The following GTF2A1 variants were observed in gnomAD, a reference collection of about 807,000 sequenced individuals.
The protein encoded by GTF2A1 is general transcription factor IIA subunit 1, also known as transcription initiation factor IIA subunit 1.
A neutral mutation model predicts 54.1 loss-of-function variants in GTF2A1; 12 were observed. The ratio of observed to expected loss-of-function variants is 0.22; its 90% CI spans 0.14 to 0.36. The LOEUF is 0.36. Ranked by LOEUF, GTF2A1 falls within the 10% of genes least tolerant of loss-of-function variation. The pLI, the probability that GTF2A1 is intolerant of heterozygous loss-of-function variation, is 1.00. For missense variants in GTF2A1, 335 were observed against 442.2 expected (o/e 0.76, Z 2.17); for synonymous variants, 145 against 152.0 (o/e 0.95, Z 0.34).
intron 1 of GTF2A1, among the ~76,000 whole-genome samples, chr14:81,218,170 C>G (rs1893528206): frequency 6.6e-6 from 1 of 151,750 alleles, no homozygotes; most frequent in Non-Finnish European, 1.5e-5. Flanking sequence ...GTATAAATCT[C>G]AAATTGACAA....
chr14:81,201,741 A>T, intron 3 of GTF2A1, 83 bp from the exon 4 acceptor site: 1 of 915,752 alleles, frequency 1.1e-6, no homozygotes, highest in Non-Finnish European at 1.8e-6. Flanking sequence ...ACAATGATGA[A>T]AACTTTTTTC....
In GTF2A1 at chr14:81,179,114, C is replaced by G. The variant is rs148584644; in HGVS notation, c.*1109G>C. 20 of 152,290 alleles carry G rather than the reference C, an allele frequency of 1.3e-4. No individual in the cohort carries two copies. In the East Asian group the frequency reaches 3.7e-3, roughly 28 times the overall value. 9.4% of individuals were successfully genotyped at this position (152,290 alleles called of 1,614,324 possible). ...TTAGTGGCCCACCCACCTCTTCCCC[C>G]CAAATTTTCCCCTCAAATTACAAAG... is the stretch of plus-strand genomic sequence containing the variant. On this transcript the variant is annotated 3_prime_UTR_variant, in exon 9 of 9. Transcript: ENST00000553612.
rs1893628544 is a variant in GTF2A1 at position 81,220,913 on chromosome 14, A to C, written c.-395T>G. ...CTTCTCTCCTTTATATAGCGAGCCA[A>C]CAAGCTGCGCGAGCCACCACCGCCG... is the stretch of plus-strand genomic sequence containing the variant. On this transcript the variant is annotated 5_prime_UTR_variant, in exon 1 of 9. Transcript: ENST00000553612. 1 of 180,224 alleles carries C rather than the reference A, an allele frequency of 5.5e-6. No individual in the cohort carries two copies. The highest frequency in any genetic ancestry group is 1.1e-5 in the Non-Finnish European group (1 of 87,322). 11.2% of individuals were successfully genotyped at this position (180,224 alleles called of 1,614,324 possible).
intron 7 of GTF2A1, among the ~76,000 whole-genome samples, chr14:81,189,841 G>T (rs535668513): frequency 6.6e-6 from 1 of 152,208 alleles, no homozygotes; most frequent in African/African-American, 2.4e-5. Context: ...CAAGTCTCAA[G>T]CAATTTCAAA....
Position 81,176,112 on chromosome 14 carries a change from CAT to C in GTF2A1, c.*4109_*4110del, listed in dbSNP as rs1892522122. 2 of 152,000 alleles carry C rather than the reference CAT, an allele frequency of 1.3e-5. No homozygotes were observed. The highest frequency in any genetic ancestry group is 2.9e-5 in the Non-Finnish European group (2 of 67,960). The allele number at this position is 152,000 out of a possible 1,614,324, so 9.4% of individuals were successfully genotyped here. ...TTTATTCAATTATCTATAACAATGCCATATACTAGTAAGCAAAGCAAGCAACA... is the reference window on the plus strand; with the variant it reads ...TTTATTCAATTATCTATAACAATGCCATACTAGTAAGCAAAGCAAGCAACA... On this transcript the variant is annotated 3_prime_UTR_variant, in exon 9 of 9. Transcript: ENST00000553612.
rs1892581404 is a variant in GTF2A1 at position 81,178,776 on chromosome 14, A to T, written c.*1447T>A. 1 of 152,234 alleles carries T rather than the reference A, an allele frequency of 6.6e-6. No individual in the cohort carries two copies. Among genetic ancestry groups the T allele is most frequent in the South Asian group, 2.1e-4 (1 of 4,838 alleles). 9.4% of individuals were successfully genotyped at this position (152,234 alleles called of 1,614,324 possible). A position where few individuals can be genotyped will look rare whatever the true frequency, so the allele number is the denominator to read the frequency against. ...GATTAAAAAAATATATCAATATACA[A>T]GTAACCTAAACACATGTAAATTTTG... On this transcript the variant is annotated 3_prime_UTR_variant, in exon 9 of 9. Transcript: ENST00000553612.
intron 4 of GTF2A1, among the ~76,000 whole-genome samples, chr14:81,197,946 T>C (rs1295940268): frequency 6.6e-6 from 1 of 152,210 alleles, no homozygotes; most frequent in African/African-American, 2.4e-5. Flanking sequence ...TATAATTATC[T>C]ACTTTTTAGA....
At chr14:81,214,477 C>G (rs1195687543) in intron 2 of GTF2A1, among the ~76,000 whole-genome samples, 1 of 151,962 alleles carries the variant, frequency 6.6e-6, no homozygotes, top group Non-Finnish European at 1.5e-5. Context: ...AACCCCATCT[C>G]TACTAAAAAT....
At chr14:81,180,569 G>T (rs1202075268) in intron 8 of GTF2A1, among the ~76,000 whole-genome samples, 1 of 152,016 alleles carries the variant, frequency 6.6e-6, no homozygotes, top group Admixed American at 6.6e-5. Flanking sequence ...AAAGTGTTGG[G>T]ATTACAAGCG....
chr14:81,202,165 G>A (rs1164504286), intron 3 of GTF2A1, among the ~76,000 whole-genome samples: 1 of 152,200 alleles, frequency 6.6e-6, no homozygotes, highest in South Asian at 2.1e-4. Flanking sequence ...GGATGCAAGG[G>A]AATTTAGGAA....
rs751806247 is a variant in GTF2A1, at chr14:81,220,506, C to T, written c.13G>A (p.Ala5Thr). 6.3e-7 allele frequency: 1 copy of T among 1,578,854 alleles called. No individual in the cohort carries two copies. Residue 5 changes from alanine (A) to threonine (T), a missense_variant, in exon 1 of 9, where the codon GCA becomes ACA. By Grantham distance (58) the Ala-to-Thr change is moderately conservative. Coordinates refer to ENST00000553612, the MANE Select transcript of GTF2A1 (RefSeq NM_015859.4). ...GTCCTTACCACGGTGTTTGTATTTG[C>T]CGAGTTCGCCATTTCCACACACAAC... Reference protein sequence around the residue: MANSANTNTVPKLYR... With the variant: MANSTNTNTVPKLYR...
In GTF2A1 at chr14:81,176,374, A is replaced by C. The variant is rs1892529000; in HGVS notation, c.*3849T>G. 1 of 152,206 alleles carries C rather than the reference A, an allele frequency of 6.6e-6. No individual in the cohort carries two copies. The highest frequency in any genetic ancestry group is 1.5e-5 in the Non-Finnish European group (1 of 67,998). The allele number at this position is 152,206 out of a possible 1,614,324, so 9.4% of individuals were successfully genotyped here. A position where few individuals can be genotyped will look rare whatever the true frequency, so the allele number is the denominator to read the frequency against. On this transcript the variant is annotated 3_prime_UTR_variant, in exon 9 of 9. Coordinates refer to ENST00000553612, the MANE Select transcript of GTF2A1 (RefSeq NM_015859.4). Reference sequence around the variant, plus strand: ...AGTATGTACAACAGCAGTTGACAATAGTAGCTCAGAACAGCAAAAAGGATT... The same window carrying C: ...AGTATGTACAACAGCAGTTGACAATCGTAGCTCAGAACAGCAAAAAGGATT...
chr14:81,185,265 C>G (rs562233450), intron 8 of GTF2A1, among the ~76,000 whole-genome samples: 6 of 152,294 alleles, frequency 3.9e-5, no homozygotes, highest in African/African-American at 1.4e-4. Context: ...ACTCTGCTTA[C>G]AAGTTCAAAG....
At chr14:81,188,725 C>T (rs1400653047) in intron 7 of GTF2A1, among the ~76,000 whole-genome samples, 1 of 151,646 alleles carries the variant, frequency 6.6e-6, no homozygotes, top group Admixed American at 6.6e-5. Context: ...TGCAGTGAGC[C>T]GACATCGCGC....
chr14:81,188,177 CTTT>C (rs761786094), intron 7 of GTF2A1, among the ~76,000 whole-genome samples: 1 of 152,124 alleles, frequency 6.6e-6, no homozygotes, highest in Non-Finnish European at 1.5e-5. Context: ...ATTGCATTAT[CTTT>C]TTGTTGTTAC....
At position 81,220,564 on chromosome 14, in the gene GTF2A1, G is replaced by A. The variant is rs191415810; in HGVS notation, c.-46C>T. 1,213 of 1,401,022 alleles carry A rather than the reference G, an allele frequency of 8.7e-4. No homozygotes were observed. The highest frequency in any genetic ancestry group is 1.1e-3 in the Non-Finnish European group (1,131 of 1,040,712). 86.8% of individuals were successfully genotyped at this position (1,401,022 alleles called of 1,614,324 possible). The stretch of plus-strand genomic sequence containing the variant: ...AGAGGGGGCAACCCCAAGAAAACAA[G>A]ATAAAAACAAAACCAAAAAAAAAAA... On this transcript the variant is annotated 5_prime_UTR_variant, in exon 1 of 9. Coordinates refer to ENST00000553612, the MANE Select transcript of GTF2A1 (RefSeq NM_015859.4).
chr14:81,220,602 C>A lies in GTF2A1; in HGVS notation c.-84G>T. The stretch of plus-strand genomic sequence containing the variant: ...CCAAAAAAAAAAAAACTATAACACC[C>A]GGAGGGTGACCCAAATCACCGCAAG... On this transcript the variant is annotated 5_prime_UTR_variant, in exon 1 of 9. Coordinates refer to ENST00000553612, the MANE Select transcript of GTF2A1 (RefSeq NM_015859.4). 9.0e-7 allele frequency: 1 copy of A among 1,113,312 alleles called. No homozygotes were observed. The highest frequency in any genetic ancestry group is 1.3e-6 in the Non-Finnish European group (1 of 787,024). The allele number at this position is 1,113,312 out of a possible 1,614,324, so 69.0% of individuals were successfully genotyped here. A position where few individuals can be genotyped will look rare whatever the true frequency, so the allele number is the denominator to read the frequency against.
At position 81,177,227 on chromosome 14, in the gene GTF2A1, G is replaced by A. The variant is rs1892547930; in HGVS notation, c.*2996C>T. On this transcript the variant is annotated 3_prime_UTR_variant, in exon 9 of 9. Transcript: ENST00000553612. ...CAAGAAAGTGGCTTTGCTTTTAAAA[G>A]AGGCAACAGTGTAAATGTGACATTA... 2 of 152,080 alleles carry A rather than the reference G, an allele frequency of 1.3e-5. No individual in the cohort carries two copies. The highest frequency in any genetic ancestry group is 1.3e-4 in the Admixed American group (2 of 15,270). The allele number at this position is 152,080 out of a possible 1,614,324, so 9.4% of individuals were successfully genotyped here. A position where few individuals can be genotyped will look rare whatever the true frequency, so the allele number is the denominator to read the frequency against.
chr14:81,184,947 A>C (rs552624385), intron 8 of GTF2A1, among the ~76,000 whole-genome samples: 32 of 152,342 alleles, frequency 2.1e-4, no homozygotes, highest in African/African-American at 7.5e-4. Flanking sequence ...AATACTTGGA[A>C]AGAAGCACCC....
Sources: gnomAD v4.1 joint callset for allele counts (sites outside exome capture counted in the v4.1 genomes callset) on GRCh38, gnomAD v4.1.1 for gene constraint, MANE v1.5 for transcripts, NCBI Gene and HGNC (gene_info 2026-07-23, HGNC 2026-07-21) for gene names.